The following CALN1 variants were observed in gnomAD, a reference collection of about 807,000 sequenced individuals.
CALN1 encodes calneuron 1.
A neutral mutation model predicts 30.6 loss-of-function variants in CALN1; 17 were observed. The observed-to-expected ratio is 0.56, with a 90% CI of 0.38 to 0.83. The LOEUF is 0.83. Among genes scored for constraint, CALN1 ranks in the 40% least tolerant of loss-of-function variants. CALN1 has a pLI of 0.00. For synonymous variants in CALN1, 156 were observed against 131.4 expected (o/e 1.19, Z -1.28); for missense variants, 291 against 354.9 (o/e 0.82, Z 1.45).
chr7:72,305,151 T>TCC (rs1309378960), intron 2 of CALN1, among the ~76,000 whole-genome samples: 2 of 152,276 alleles, frequency 1.3e-5, no homozygotes, highest in Non-Finnish European at 2.9e-5. Flanking sequence ...GACATGTGCC[T>TCC]CCCATCCCAA....
At position 71,780,509 on chromosome 7, in the gene CALN1, G is replaced by A. The variant is rs1792659400; in HGVS notation, c.*7266C>T. On this transcript the variant is annotated 3_prime_UTR_variant, in exon 7 of 7. Coordinates refer to ENST00000395275, the MANE Select transcript of CALN1 (RefSeq NM_031468.4). ...TGGTCATGGGTGGGCCACATCAAAA[G>A]CAGGCACCGCTCAGCACTCAGCATC... The A allele has an allele frequency of 6.6e-6, 1 of 152,292 alleles. No individual in the cohort carries two copies. Among genetic ancestry groups the A allele is most frequent in the African/African-American group, 2.4e-5 (1 of 41,424 alleles). The allele number at this position is 152,292 out of a possible 1,614,324, so 9.4% of individuals were successfully genotyped here.
intron 3 of CALN1, among the ~76,000 whole-genome samples, chr7:72,151,703 T>A (rs1787261796): frequency 6.6e-6 from 1 of 151,786 alleles, no homozygotes; most frequent in African/African-American, 2.4e-5. Flanking sequence ...CCAGCAGATA[T>A]CGTTTTTGTT....
intron 5 of CALN1, among the ~76,000 whole-genome samples, chr7:71,919,757 T>C (rs1794843523): frequency 6.6e-6 from 1 of 151,874 alleles, no homozygotes; most frequent in South Asian, 2.1e-4. Context: ...CCCCTACACA[T>C]ACACACACAC....
intron 4 of CALN1, among the ~76,000 whole-genome samples, chr7:72,047,905 T>A (rs1802574720): frequency 6.6e-6 from 1 of 151,982 alleles, no homozygotes; most frequent in Admixed American, 6.6e-5. Flanking sequence ...AGAAGGAAAA[T>A]GCAGGGAAAT....
At chr7:71,914,772 T>C (rs1794600198) in intron 5 of CALN1, among the ~76,000 whole-genome samples, 1 of 152,188 alleles carries the variant, frequency 6.6e-6, no homozygotes, top group Non-Finnish European at 1.5e-5. Flanking sequence ...CATTGTAGTT[T>C]TGATCTGCAT....
chr7:72,075,501 T>G (rs1804668506), intron 4 of CALN1, among the ~76,000 whole-genome samples: 1 of 152,242 alleles, frequency 6.6e-6, no homozygotes, highest in Non-Finnish European at 1.5e-5. Context: ...GTTTTCTGTC[T>G]ACCGGTTGAA....
chr7:71,981,562 A>G (rs1046612885), intron 5 of CALN1, among the ~76,000 whole-genome samples: 3 of 152,110 alleles, frequency 2.0e-5, no homozygotes, highest in Admixed American at 1.3e-4. Context: ...GATGAGGCAC[A>G]ATAATCGCTT....
chr7:71,927,105 A>G (rs750819867), intron 5 of CALN1, among the ~76,000 whole-genome samples: 4 of 152,210 alleles, frequency 2.6e-5, no homozygotes, highest in Non-Finnish European at 5.9e-5. Flanking sequence ...AGTAAACAGT[A>G]CTTTTGCTTG....
chr7:72,329,177 G>A (rs1801489867), intron 2 of CALN1, among the ~76,000 whole-genome samples: 1 of 152,076 alleles, frequency 6.6e-6, no homozygotes, highest in African/African-American at 2.4e-5. Flanking sequence ...TACTATAATT[G>A]CAGTTTTGTT....
At chr7:72,206,467 C>A (rs867112397) in intron 3 of CALN1, among the ~76,000 whole-genome samples, 1 of 152,156 alleles carries the variant, frequency 6.6e-6, no homozygotes, top group African/African-American at 2.4e-5. Flanking sequence ...ATGTGACTTG[C>A]AATTGCATGA....
intron 5 of CALN1, among the ~76,000 whole-genome samples, chr7:71,986,167 C>G (rs962775721): frequency 6.6e-6 from 1 of 152,104 alleles, no homozygotes; most frequent in Non-Finnish European, 1.5e-5. Context: ...CCTGCGTCAG[C>G]CTCCCGAGCA....
chr7:71,834,517 T>C (rs537084277), intron 5 of CALN1, among the ~76,000 whole-genome samples: 2 of 152,128 alleles, frequency 1.3e-5, no homozygotes, highest in South Asian at 2.1e-4. Context: ...GTTAAAAACA[T>C]TGGGAAAACT....
intron 4 of CALN1, among the ~76,000 whole-genome samples, chr7:72,096,042 AAGATAGATAGATAGAT>A (rs10664390): frequency 1.5e-4 from 21 of 143,190 alleles, no homozygotes; most frequent in Admixed American, 2.8e-4. Context: ...TTGTCTCTAA[AAGATAGATAGATAGAT>A]AGATAGATAG....
chr7:72,257,032 TTTAA>T (rs1390738943), intron 3 of CALN1, among the ~76,000 whole-genome samples: 1 of 152,066 alleles, frequency 6.6e-6, no homozygotes, highest in Non-Finnish European at 1.5e-5. Flanking sequence ...AGAAAATAGG[TTTAA>T]TTGACTCACA....
intron 5 of CALN1, among the ~76,000 whole-genome samples, chr7:72,019,865 C>A (rs1364310045): frequency 6.6e-6 from 1 of 152,150 alleles, no homozygotes; most frequent in African/African-American, 2.4e-5. Flanking sequence ...TATTATGCAG[C>A]CAAAGACCAC....
At chr7:72,419,163 C>T (rs1056913631) in intron 1 of CALN1, among the ~76,000 whole-genome samples, 6 of 152,264 alleles carry the variant, frequency 3.9e-5, no homozygotes, top group East Asian at 1.9e-4. Flanking sequence ...CTGCTGACGA[C>T]GCCCTGCCGC....
chr7:71,931,323 T>C (rs749608786), intron 5 of CALN1, among the ~76,000 whole-genome samples: 2 of 152,126 alleles, frequency 1.3e-5, no homozygotes, highest in Non-Finnish European at 2.9e-5. Context: ...TAGAGTGCAG[T>C]GGAGTGATCT....
intron 5 of CALN1, among the ~76,000 whole-genome samples, chr7:71,835,091 G>C (rs1789527855): frequency 6.6e-6 from 1 of 152,166 alleles, no homozygotes. Flanking sequence ...CTCCTGCCTT[G>C]CTCTCCCAAT....
At chr7:72,250,459 C>T (rs750102333) in intron 3 of CALN1, among the ~76,000 whole-genome samples, 5 of 152,160 alleles carry the variant, frequency 3.3e-5, no homozygotes, top group Non-Finnish European at 5.9e-5. Context: ...CTCCTGCACC[C>T]GTACTCTTAA....
Sources: allele counts gnomAD v4.1 joint callset (sites outside exome capture counted in the v4.1 genomes callset), GRCh38; gene constraint gnomAD v4.1.1; transcripts MANE v1.5; gene names NCBI Gene and HGNC (gene_info 2026-07-23, HGNC 2026-07-21).